Variants in ADGRV1 observed in about 807,000 individuals in gnomAD.
The protein encoded by ADGRV1 is adhesion G protein-coupled receptor V1, also known as G-protein coupled receptor 98.
Under a neutral mutation model 596.2 loss-of-function variants are expected in ADGRV1, and 359 were observed. The ratio of observed to expected loss-of-function variants is 0.60; its 90% CI spans 0.55 to 0.66. The LOEUF (loss-of-function observed/expected upper bound fraction) is 0.66, where lower values mean the gene tolerates loss of function less well. Ranked by LOEUF, ADGRV1 falls within the 30% of genes least tolerant of loss-of-function variation. The pLI is 0.00. For synonymous variants in ADGRV1, 2,681 were observed against 2,679.2 expected (o/e 1.00, Z -0.02); for missense variants, 7,274 against 7,575.6 (o/e 0.96, Z 1.48).
intron 42 of ADGRV1, among the ~76,000 whole-genome samples, chr5:90,715,619 T>C (rs1461934710): frequency 1.3e-5 from 2 of 151,396 alleles, no homozygotes; most frequent in Non-Finnish European, 2.9e-5. Context: ...GGCTAATTTC[T>C]AAGTATTGTT....
At chr5:90,731,528 G>A (rs1010889044) in intron 50 of ADGRV1, among the ~76,000 whole-genome samples, 17 of 152,200 alleles carry the variant, frequency 1.1e-4, no homozygotes, top group Admixed American at 8.5e-4. Context: ...CTATGTCTGC[G>A]TGGATTGGCA....
chr5:90,644,065 G>A, intron 14 of ADGRV1, 82 bp downstream of exon 14: 1 of 973,086 alleles, frequency 1.0e-6, no homozygotes, highest in Non-Finnish European at 1.5e-6. Flanking sequence ...TTAGTAACTA[G>A]TTATTTCTAG....
At chr5:90,933,920 G>T (rs373262514) in intron 83 of ADGRV1, among the ~76,000 whole-genome samples, 2 of 152,160 alleles carry the variant, frequency 1.3e-5, no homozygotes, top group Non-Finnish European at 2.9e-5. Flanking sequence ...GTGGCTGCAC[G>T]TAGGCCTTTG....
In ADGRV1 at chr5:90,755,037, A is replaced by T. The variant is rs766472125; in HGVS notation, c.11432A>T (p.Asp3811Val). The change falls in exon 55 of 90, where the codon GAT becomes GTT. Residue 3811 changes from aspartate (D) to valine (V), a missense_variant. Physicochemically the swap from Asp to Val is radical, Grantham distance 152. This residue lies in a region of ADGRV1 where 3,643 missense variants were observed against 3,809.2 expected (regional missense o/e 0.96). Coordinates refer to ENST00000405460, the MANE Select transcript of ADGRV1 (RefSeq NM_032119.4). The stretch of plus-strand genomic sequence containing the variant: ...GCTCGAGATAAAGGACTACTTGGGG[A>T]TATTGCCATTCACTTGAGAGCTCAA... Reference protein sequence around the residue: ...QIARDKGLLGDIAIHLRAQPN... With the variant: ...QIARDKGLLGVIAIHLRAQPN... The T allele has an allele frequency of 1.2e-6, 2 of 1,613,436 alleles. No homozygotes were observed. The highest frequency in any genetic ancestry group is 1.7e-6 in the Non-Finnish European group (2 of 1,179,424).
intron 82 of ADGRV1, among the ~76,000 whole-genome samples, chr5:90,860,722 T>TAA (rs200972948): frequency 2.8e-4 from 38 of 135,284 alleles, no homozygotes; most frequent in South Asian, 4.7e-4. Flanking sequence ...GGTGGTATAA[T>TAA]AAAAAAAAAA....
chr5:90,753,807 C>G lies in ADGRV1; in HGVS notation c.11355C>G (p.Phe3785Leu), dbSNP rs1755532628. ...GLVGWRAASVFIRVAEPKENT... is the reference protein window; with the variant it reads ...GLVGWRAASVLIRVAEPKENT... ...TGGGCTGGCGTGCTGCGTCTGTCTT[C>G]ATTAGAGTAGCAGAGCCTAAAGGTA... The change falls in exon 54 of 90, where the codon TTC becomes TTG. Residue 3785 changes from phenylalanine (F) to leucine (L), a missense_variant. Phe to Leu is a conservative substitution (Grantham distance 22). Around this residue, in one of 5 missense-constraint regions of ADGRV1, gnomAD observed 3,643 missense variants for 3,809.2 expected, o/e 0.96. Transcript: ENST00000405460. The G allele has an allele frequency of 3.1e-6, 5 of 1,609,496 alleles. No homozygotes were observed. Among genetic ancestry groups the G allele is most frequent in the Non-Finnish European group, 4.2e-6 (5 of 1,177,410 alleles).
intron 84 of ADGRV1, among the ~76,000 whole-genome samples, chr5:90,984,713 A>G (rs1780341544): frequency 6.6e-6 from 1 of 152,238 alleles, no homozygotes; most frequent in African/African-American, 2.4e-5. Context: ...TTAGTAAGCA[A>G]TAAATATTTG....
rs1491170725 is a variant in ADGRV1 at position 91,080,611 on chromosome 5, A to AC, written c.18310+8008dup. On this transcript the variant is annotated intron_variant, in intron 86 of 89. Coordinates refer to ENST00000405460, the MANE Select transcript of ADGRV1 (RefSeq NM_032119.4). ...TGCAAAAAAAAAAAAAAAAAAAAAA[A>AC]CTTGAAGTGATCAGGGTTGGAAAAT... 4.0e-5 allele frequency among the ~76,000 whole-genome samples: 6 copies of AC among 150,570 alleles called. No individual in the cohort carries two copies. The East Asian group carries it at 1.2e-3, about 29-fold the overall frequency.
At chr5:91,005,777 T>A (rs1782216785) in intron 85 of ADGRV1, among the ~76,000 whole-genome samples, 1 of 152,168 alleles carries the variant, frequency 6.6e-6, no homozygotes, top group East Asian at 1.9e-4. Flanking sequence ...ACAGGCCTAA[T>A]TCAAATCCTC....
chr5:90,689,764 G>T, intron 29 of ADGRV1, 97 bp from the exon 30 acceptor site: 1 of 756,248 alleles, frequency 1.3e-6, no homozygotes, highest in Non-Finnish European at 2.2e-6. Flanking sequence ...TTTCCAAGTA[G>T]ATCCATAAAG....
At chr5:90,668,837 T>A (rs1288519814) in intron 21 of ADGRV1, among the ~76,000 whole-genome samples, 1 of 152,172 alleles carries the variant, frequency 6.6e-6, no homozygotes, top group Non-Finnish European at 1.5e-5. Context: ...TGATGAAGGT[T>A]TTAGTAAATA....
At chr5:90,695,259 T>C (rs1678789598) in intron 33 of ADGRV1, among the ~76,000 whole-genome samples, 1 of 152,178 alleles carries the variant, frequency 6.6e-6, no homozygotes, top group Non-Finnish European at 1.5e-5. Context: ...GAGATCACTA[T>C]TGTAAAATTT....
intron 1 of ADGRV1, among the ~76,000 whole-genome samples, chr5:90,594,083 T>C (rs891526886): frequency 6.6e-6 from 1 of 152,142 alleles, no homozygotes; most frequent in Non-Finnish European, 1.5e-5. Context: ...TAAAAAAGTA[T>C]AGATTGGTAA....
chr5:90,946,062 G>A (rs1776551993), intron 83 of ADGRV1, among the ~76,000 whole-genome samples: 1 of 152,246 alleles, frequency 6.6e-6, no homozygotes, highest in African/African-American at 2.4e-5. Context: ...TATGATCAAG[G>A]ATTATCTTCC....
At chr5:91,049,983 C>G (rs943873112) in intron 85 of ADGRV1, among the ~76,000 whole-genome samples, 2 of 152,160 alleles carry the variant, frequency 1.3e-5, no homozygotes, top group Non-Finnish European at 2.9e-5. Context: ...GCAACTGTTC[C>G]TCTGACATGA....
chr5:91,078,661 A>C (rs1212766965), intron 86 of ADGRV1, among the ~76,000 whole-genome samples: 1 of 152,218 alleles, frequency 6.6e-6, no homozygotes, highest in East Asian at 1.9e-4. Flanking sequence ...CACGCTGGCC[A>C]TGTGCAGCAG....
chr5:90,663,056 A>G (rs1317290815), intron 21 of ADGRV1, among the ~76,000 whole-genome samples: 3 of 149,108 alleles, frequency 2.0e-5, no homozygotes, highest in Admixed American at 6.8e-5. Context: ...ATTGTGAATA[A>G]TGCCGCAATA....
intron 70 of ADGRV1, 178 bp downstream of exon 70, chr5:90,791,524 A>G: frequency 1.7e-6 from 1 of 573,780 alleles, no homozygotes; most frequent in Non-Finnish European, 3.1e-6. Flanking sequence ...TAATAAGTAT[A>G]TTACTATTTG....
At chr5:91,071,695 G>T (rs944175006) in intron 85 of ADGRV1, among the ~76,000 whole-genome samples, 1 of 151,050 alleles carries the variant, frequency 6.6e-6, no homozygotes, top group Admixed American at 6.6e-5. Flanking sequence ...TTTTTTTTGA[G>T]ATGGAGTCTC....
Sources: allele counts gnomAD v4.1 joint callset (sites outside exome capture counted in the v4.1 genomes callset), GRCh38; gene constraint gnomAD v4.1.1; regional missense constraint gnomAD v4.1.1; transcripts MANE v1.5; gene names NCBI Gene and HGNC (gene_info 2026-07-23, HGNC 2026-07-21).